Variants in SHROOM4 observed in about 807,000 individuals in gnomAD.
SHROOM4 encodes protein Shroom4.
SHROOM4 carries 17 observed loss-of-function variants against 80.3 expected under a neutral mutation model. The ratio of observed to expected loss-of-function variants is 0.21; its 90% CI spans 0.14 to 0.32. The LOEUF is 0.32. Ranked by LOEUF, SHROOM4 falls within the 10% of genes least tolerant of loss-of-function variation. SHROOM4 has a pLI of 1.00. For missense variants in SHROOM4, 993 were observed against 1,140.3 expected (o/e 0.87, Z 1.86); for synonymous variants, 400 against 437.5 (o/e 0.91, Z 1.07).
intron 2 of SHROOM4, among the ~76,000 whole-genome samples, chrX:50,680,899 C>T (rs899172862): frequency 3.6e-5 from 4 of 110,908 alleles, no homozygotes; most frequent in Non-Finnish European, 5.7e-5. Context: ...TACTTCTTCC[C>T]GTTACCCATA....
chrX:50,759,663 T>C (rs1935108983), intron 1 of SHROOM4, among the ~76,000 whole-genome samples: 1 of 111,829 alleles, frequency 8.9e-6, no homozygotes, highest in African/African-American at 3.2e-5. Flanking sequence ...AGGTCATTGG[T>C]TTTACATTTT....
Position 50,595,881 on chromosome X carries a change from G to A in SHROOM4, c.*814C>T, listed in dbSNP as rs1278771892. On this transcript the variant is annotated 3_prime_UTR_variant, in exon 9 of 9. Coordinates refer to ENST00000376020, the MANE Select transcript of SHROOM4 (RefSeq NM_020717.5). ...AATAAGAACCCCCTCCCCCAATAAT[G>A]AAACCTACATCTAGAAGTCAGTTTT... 3.0e-6 allele frequency: 1 copy of A among 327,927 alleles called. No individual in the cohort carries two copies. Among genetic ancestry groups the A allele is most frequent in the Non-Finnish European group, 5.9e-6 (1 of 169,776 alleles). 27.0% of individuals were successfully genotyped at this position (327,927 alleles called of 1,213,427 possible).
intron 1 of SHROOM4, among the ~76,000 whole-genome samples, chrX:50,795,081 TATATATG>T (rs1463801454): frequency 2.9e-5 from 2 of 69,477 alleles, no homozygotes; most frequent in Non-Finnish European, 4.8e-5. Flanking sequence ...ATATGATATA[TATATATG>T]ATATATATAT....
intron 1 of SHROOM4, among the ~76,000 whole-genome samples, chrX:50,789,071 C>G (rs938751352): frequency 1.8e-5 from 2 of 111,626 alleles, no homozygotes; most frequent in African/African-American, 6.5e-5. Flanking sequence ...TAGTAGGAGA[C>G]TTCAATATTC....
chrX:50,636,565 A>G (rs1602391530), intron 3 of SHROOM4, among the ~76,000 whole-genome samples: 1 of 111,155 alleles, frequency 9.0e-6, no homozygotes, highest in East Asian at 2.8e-4. Flanking sequence ...GGTATATCAC[A>G]TGATGCTGAG....
chrX:50,788,463 C>G (rs1021713388), intron 1 of SHROOM4, among the ~76,000 whole-genome samples: 4 of 110,450 alleles, frequency 3.6e-5, no homozygotes, highest in East Asian at 5.7e-4. Flanking sequence ...AAAAATTAGC[C>G]GGGCGTGGTG....
chrX:50,781,176 G>A (rs1557270625), intron 1 of SHROOM4, among the ~76,000 whole-genome samples: 1 of 111,314 alleles, frequency 9.0e-6, no homozygotes, highest in African/African-American at 3.3e-5. Flanking sequence ...ATATTGGTGA[G>A]GGTGATCTTC....
intron 1 of SHROOM4, among the ~76,000 whole-genome samples, chrX:50,697,687 G>A (rs782255125): frequency 9.0e-5 from 10 of 111,653 alleles, no homozygotes; most frequent in Admixed American, 1.9e-4. Context: ...CACCAAACAA[G>A]CCAATATTGG....
At position 50,795,154 on chromosome X, in the gene SHROOM4, T is replaced by TG. The variant is rs55719618; in HGVS notation, c.117+18747_117+18748insC. Among the ~76,000 whole-genome samples, 20 of 7,815 alleles carry TG rather than the reference T, an allele frequency of 2.6e-3. 2 individuals carry two copies. In the East Asian group the frequency reaches 0.07, roughly 27 times the overall value. 6.8% of individuals were successfully genotyped at this position (7,815 alleles called of 115,157 possible). A position where few individuals can be genotyped will look rare whatever the true frequency, so the allele number is the denominator to read the frequency against. On this transcript the variant is annotated intron_variant, in intron 1 of 8. Transcript: ENST00000376020. ...TATATATATATATATATGATATATA[T>TG]ATATATATATATGATATATATATAT...
chrX:50,795,101 G>GAT (rs782727726), intron 1 of SHROOM4, among the ~76,000 whole-genome samples: 11 of 42,612 alleles, frequency 2.6e-4, no homozygotes, highest in African/African-American at 1.7e-3. Context: ...ATATATATAT[G>GAT]ATATATATAT....
chrX:50,698,091 C>CAATA (rs1557263233), intron 1 of SHROOM4, among the ~76,000 whole-genome samples: 1 of 112,398 alleles, frequency 8.9e-6, no homozygotes, highest in African/African-American at 3.2e-5. Flanking sequence ...GCAAGTCTTC[C>CAATA]CCTCAATATG....
In SHROOM4 at chrX:50,724,125, A is replaced by G. The variant is rs141650886; in HGVS notation, c.118-28188T>C. 9.7e-3 allele frequency among the ~76,000 whole-genome samples: 1,082 copies of G among 111,068 alleles called. 12 individuals carry two copies. Among genetic ancestry groups the G allele is most frequent in the African/African-American group, 0.033 (1,006 of 30,560 alleles). On this transcript the variant is annotated intron_variant, in intron 1 of 8. Coordinates refer to ENST00000376020, the MANE Select transcript of SHROOM4 (RefSeq NM_020717.5). The stretch of plus-strand genomic sequence containing the variant: ...AATCACCCTTACCCCGCTCAACGCC[A>G]ATATCCCATCCCACAGCACTAAAGC...
intron 4 of SHROOM4, among the ~76,000 whole-genome samples, chrX:50,632,959 T>C (rs1557254414): frequency 8.9e-6 from 1 of 112,232 alleles, no homozygotes; most frequent in Non-Finnish European, 1.9e-5. Flanking sequence ...GTTGTGCCCA[T>C]TTTATGAAGC....
At chrX:50,578,095 G>A in the SHROOM4 span, among the ~76,000 whole-genome samples, 506 of 111,358 alleles carry the variant, frequency 4.5e-3, 5 homozygotes, top group African/African-American at 0.016. Context: ...ACACATACAC[G>A]CACACACACA....
At position 50,627,517 on chromosome X, in the gene SHROOM4, T is replaced by A. The variant is rs1404333149; in HGVS notation, c.2957+97A>T. On this transcript the variant is annotated intron_variant, in intron 5 of 8. Transcript: ENST00000376020. ...GCCCTTAGTCTAGATACCAGGCCAGTTTCCTCAAAGGAAACTAAGCAAACC... is the reference window on the plus strand; with the variant it reads ...GCCCTTAGTCTAGATACCAGGCCAGATTCCTCAAAGGAAACTAAGCAAACC... 5 of 790,981 alleles carry A rather than the reference T, an allele frequency of 6.3e-6. No homozygotes were observed. The East Asian group carries it at 1.6e-4, about 25-fold the overall frequency. The allele number at this position is 790,981 out of a possible 1,213,427, so 65.2% of individuals were successfully genotyped here.
intron 2 of SHROOM4, among the ~76,000 whole-genome samples, chrX:50,660,865 C>T (rs1557259912): frequency 9.1e-6 from 1 of 109,711 alleles, no homozygotes; most frequent in East Asian, 2.9e-4. Flanking sequence ...AATCCTCCTG[C>T]TTTGGCTACC....
At chrX:50,621,472 A>T (rs561625050) in intron 5 of SHROOM4, among the ~76,000 whole-genome samples, 2 of 112,305 alleles carry the variant, frequency 1.8e-5, no homozygotes, top group South Asian at 7.3e-4. Flanking sequence ...CAAATTCTAT[A>T]AAGTATCCCA....
chrX:50,727,132 T>C (rs1320087786), intron 1 of SHROOM4, among the ~76,000 whole-genome samples: 1 of 113,043 alleles, frequency 8.8e-6, no homozygotes, highest in Non-Finnish European at 1.9e-5. Flanking sequence ...AATACCCTTC[T>C]GGGTTTCAGA....
At chrX:50,753,075 C>A (rs1483312266) in intron 1 of SHROOM4, among the ~76,000 whole-genome samples, 1 of 111,815 alleles carries the variant, frequency 8.9e-6, no homozygotes, top group African/African-American at 3.2e-5. Flanking sequence ...AAATAATTCC[C>A]AGACTATTAG....
Sources: allele counts gnomAD v4.1 joint callset (sites outside exome capture counted in the v4.1 genomes callset), GRCh38; gene constraint gnomAD v4.1.1; transcripts MANE v1.5; gene names NCBI Gene and HGNC (gene_info 2026-07-23, HGNC 2026-07-21).